The following GABRB2 variants were observed in gnomAD, a reference collection of about 807,000 sequenced individuals.
The protein encoded by GABRB2 is gamma-aminobutyric acid type A receptor subunit beta2.
GABRB2 carries 16 observed loss-of-function variants against 54.7 expected under a neutral mutation model. That is an observed-to-expected ratio of 0.29 (90% CI 0.20 to 0.44). GABRB2 has a LOEUF of 0.44. Among genes scored for constraint, GABRB2 ranks in the 20% least tolerant of loss-of-function variants. The pLI is 1.00. For synonymous variants in GABRB2, 244 were observed against 233.8 expected (o/e 1.04, Z -0.40); for missense variants, 355 against 644.0 (o/e 0.55, Z 4.86).
rs17520654 is a variant in GABRB2, at chr5:161,377,546, G to T, written c.541+33429C>A. Among the ~76,000 whole-genome samples the T allele has an allele frequency of 7.3e-5, 11 of 151,436 alleles. No individual in the cohort carries two copies. In the South Asian group the frequency reaches 2.1e-3, roughly 29 times the overall value. ...TTTTTCTCTATTTAGTGACTTGAAG[G>T]TTTTATAAAAAGAAAACAAAACAAA... is the stretch of plus-strand genomic sequence containing the variant. On this transcript the variant is annotated intron_variant, in intron 5 of 9. Transcript: ENST00000393959.
chr5:161,522,323 T>TA (rs1207411215), intron 3 of GABRB2, among the ~76,000 whole-genome samples: 3 of 151,732 alleles, frequency 2.0e-5, no homozygotes, highest in Admixed American at 1.3e-4. Context: ...CATTACCATA[T>TA]AAAAAATACA....
chr5:161,461,204 G>A (rs1299059260), intron 3 of GABRB2, among the ~76,000 whole-genome samples: 1 of 152,176 alleles, frequency 6.6e-6, no homozygotes, highest in African/African-American at 2.4e-5. Context: ...ATCAAGGTGG[G>A]TTTTCCAGAA....
intron 3 of GABRB2, among the ~76,000 whole-genome samples, chr5:161,497,334 C>T (rs1406725502): frequency 6.6e-6 from 1 of 151,948 alleles, no homozygotes; most frequent in Non-Finnish European, 1.5e-5. Flanking sequence ...AGGACACAGC[C>T]CCAGGTGTGG....
chr5:161,312,156 C>T (rs1234507806), intron 9 of GABRB2, among the ~76,000 whole-genome samples: 1 of 152,116 alleles, frequency 6.6e-6, no homozygotes, highest in Non-Finnish European at 1.5e-5. Context: ...ATGCCTTGTG[C>T]AGCTGCAGTC....
rs115619273 is a variant in GABRB2, at chr5:161,326,029, G to A, written c.1191+339C>T. On this transcript the variant is annotated intron_variant, in intron 9 of 9. Coordinates refer to ENST00000393959, the MANE Select transcript of GABRB2 (RefSeq NM_001371727.1). ...ATTCAATCCAAAGAGTCTGAAAAAA[G>A]CAAACACAACAATAAAACTAAGAAA... Among the ~76,000 whole-genome samples the A allele has an allele frequency of 6.0e-3, 907 of 152,098 alleles. 13 individuals carry two copies. Among genetic ancestry groups the A allele is most frequent in the South Asian group, 0.051 (244 of 4,820 alleles).
At chr5:161,309,607 T>A (rs369384354) in intron 9 of GABRB2, among the ~76,000 whole-genome samples, 1 of 151,930 alleles carries the variant, frequency 6.6e-6, no homozygotes, top group African/African-American at 2.4e-5. Flanking sequence ...GAAATCAACC[T>A]AAATGCCCAT....
chr5:161,545,186 C>T (rs761007212), intron 3 of GABRB2, 41 bp downstream of exon 3: 12 of 1,523,376 alleles, frequency 7.9e-6, no homozygotes, highest in African/African-American at 2.8e-5. Context: ...TGTCCCCAAA[C>T]GAAAGTTTGC....
At chr5:161,433,193 T>C (rs1285163995) in intron 4 of GABRB2, among the ~76,000 whole-genome samples, 1 of 152,142 alleles carries the variant, frequency 6.6e-6, no homozygotes, top group Non-Finnish European at 1.5e-5. Flanking sequence ...TTGAGAAACA[T>C]GTATATATCT....
chr5:161,372,423 C>T (rs1172688097), intron 5 of GABRB2, among the ~76,000 whole-genome samples: 5 of 152,096 alleles, frequency 3.3e-5, no homozygotes, highest in African/African-American at 1.2e-4. Flanking sequence ...TTTTTCTTAA[C>T]TCCCTAATCG....
At chr5:161,309,637 T>TC (rs1757800694) in intron 9 of GABRB2, among the ~76,000 whole-genome samples, 1 of 151,950 alleles carries the variant, frequency 6.6e-6, no homozygotes, top group African/African-American at 2.4e-5. Context: ...ACTAAATTTT[T>TC]TTTTTTTTTT....
At chr5:161,482,888 T>C (rs761067149) in intron 3 of GABRB2, among the ~76,000 whole-genome samples, 5 of 152,110 alleles carry the variant, frequency 3.3e-5, no homozygotes, top group East Asian at 3.9e-4. Context: ...GAATATTTCC[T>C]ACCTGTCTGT....
At chr5:161,445,728 C>T (rs868143834) in intron 4 of GABRB2, among the ~76,000 whole-genome samples, 12 of 152,106 alleles carry the variant, frequency 7.9e-5, no homozygotes, top group South Asian at 2.1e-4. Flanking sequence ...ATTGCCAATC[C>T]GAAAATATTT....
chr5:161,353,818 T>C (rs1256568709), intron 5 of GABRB2, among the ~76,000 whole-genome samples: 1 of 151,960 alleles, frequency 6.6e-6, no homozygotes, highest in African/African-American at 2.4e-5. Flanking sequence ...GCTACAGTGA[T>C]TTAATAAAGC....
At chr5:161,349,701 G>A (rs1440035283) in intron 5 of GABRB2, among the ~76,000 whole-genome samples, 1 of 152,076 alleles carries the variant, frequency 6.6e-6, no homozygotes, top group Admixed American at 6.6e-5. Context: ...CGCATGGTGG[G>A]AAACTGAGGG....
At chr5:161,359,084 G>A (rs1187985156) in intron 5 of GABRB2, among the ~76,000 whole-genome samples, 4 of 151,972 alleles carry the variant, frequency 2.6e-5, no homozygotes, top group Non-Finnish European at 4.4e-5. Flanking sequence ...GAAAATCTAG[G>A]GCACCATTAT....
intron 4 of GABRB2, among the ~76,000 whole-genome samples, chr5:161,438,777 C>T (rs1276978318): frequency 6.6e-6 from 1 of 151,762 alleles, no homozygotes; most frequent in Non-Finnish European, 1.5e-5. Context: ...GCATCAGGGT[C>T]CCCTAATAGC....
At chr5:161,295,588 G>A (rs928232803) in intron 9 of GABRB2, among the ~76,000 whole-genome samples, 2 of 152,044 alleles carry the variant, frequency 1.3e-5, no homozygotes, top group Admixed American at 6.6e-5. Context: ...ATAACCAAAC[G>A]CTTAATTGGA....
intron 4 of GABRB2, among the ~76,000 whole-genome samples, chr5:161,445,994 T>A (rs1435527429): frequency 1.3e-5 from 2 of 152,178 alleles, no homozygotes; most frequent in South Asian, 4.1e-4. Context: ...CAACCTTTAG[T>A]GATGATATTT....
rs1236064276 is a variant in GABRB2 at position 161,463,555 on chromosome 5, T to TAGATATATATATAGATATA, written c.238-3712_238-3711insTATATCTATATATATATCT. Among the ~76,000 whole-genome samples, 3 of 23,700 alleles carry TAGATATATATATAGATATA rather than the reference T, an allele frequency of 1.3e-4. 1 individual carries two copies. Among genetic ancestry groups the TAGATATATATATAGATATA allele is most frequent in the African/African-American group, 5.3e-4 (3 of 5,630 alleles). 15.5% of individuals were successfully genotyped at this position (23,700 alleles called of 152,430 possible). The stretch of plus-strand genomic sequence containing the variant: ...ACAAGGTGATTCCAAATATTTTTAT[T>TAGATATATATATAGATATA]TATATATATATATATATATATATAT... On this transcript the variant is annotated intron_variant, in intron 3 of 9. Coordinates refer to ENST00000393959, the MANE Select transcript of GABRB2 (RefSeq NM_001371727.1).
Sources: gnomAD v4.1 joint callset for allele counts (sites outside exome capture counted in the v4.1 genomes callset) on GRCh38, gnomAD v4.1.1 for gene constraint, MANE v1.5 for transcripts, NCBI Gene and HGNC (gene_info 2026-07-23, HGNC 2026-07-21) for gene names.